The following ZNF425 variants were observed in gnomAD, a reference collection of about 807,000 sequenced individuals.
ZNF425 encodes zinc finger protein 425.
A neutral mutation model predicts 17.0 loss-of-function variants in ZNF425; 21 were observed. The observed-to-expected ratio is 1.23, with a 90% CI of 0.88 to 1.78. ZNF425 has a LOEUF of 1.78. Ranked by LOEUF, ZNF425 falls within the 40% of genes most tolerant of loss-of-function variation. The pLI is 0.00. For missense variants in ZNF425, 868 were observed against 967.3 expected (o/e 0.90, Z 1.36); for synonymous variants, 433 against 384.1 (o/e 1.13, Z -1.49).
At chr7:149,111,603 A>C (rs1826178119) in intron 3 of ZNF425, among the ~76,000 whole-genome samples, 1 of 145,602 alleles carries the variant, frequency 6.9e-6, no homozygotes, top group South Asian at 2.1e-4. Flanking sequence ...AAAAAAAAAA[A>C]AAAAAAAAAA....
At chr7:149,122,449 T>C (rs1826374488) in intron 1 of ZNF425, among the ~76,000 whole-genome samples, 1 of 151,962 alleles carries the variant, frequency 6.6e-6, no homozygotes, top group African/African-American at 2.4e-5. Context: ...AGGAGTCCTT[T>C]GTCAGATATG....
At chr7:149,125,738 A>C in intron 1 of ZNF425, 1 of 225,290 alleles carries the variant, frequency 4.4e-6, no homozygotes, top group Non-Finnish European at 8.8e-6. Context: ...GTGGCTATTC[A>C]CAGGCGCGAT....
In ZNF425 at chr7:149,126,226, C is replaced by G. The variant is rs567398290; in HGVS notation, c.-13G>C. 6 of 1,610,640 alleles carry G rather than the reference C, an allele frequency of 3.7e-6. No homozygotes were observed. Among genetic ancestry groups the G allele is most frequent in the East Asian group, 2.2e-5 (1 of 44,732 alleles). On this transcript the variant is annotated 5_prime_UTR_variant, in exon 1 of 4. Transcript: ENST00000378061. ...CCGGCTCGGCCATGGCGGTTCCGCA[C>G]GAACCGGCCCTGCCTGGCACGGCCT...
chr7:149,125,009 A>C (rs1000049038), intron 1 of ZNF425, among the ~76,000 whole-genome samples: 1 of 152,214 alleles, frequency 6.6e-6, no homozygotes, highest in Non-Finnish European at 1.5e-5. Context: ...CAATGTACAA[A>C]GAAGAGCTAC....
chr7:149,123,828 G>A (rs1826401830), intron 1 of ZNF425, among the ~76,000 whole-genome samples: 1 of 147,226 alleles, frequency 6.8e-6, no homozygotes, highest in African/African-American at 2.5e-5. Context: ...CACTGCGCCC[G>A]GACTTGCTTT....
At chr7:149,106,775 A>G (rs2129517819) in intron 3 of ZNF425, among the ~76,000 whole-genome samples, 1 of 152,298 alleles carries the variant, frequency 6.6e-6, no homozygotes, top group East Asian at 1.9e-4. Context: ...TACTCTGATC[A>G]TCTGACTATA....
Position 149,104,127 on chromosome 7 carries a change from A to C in ZNF425, c.1744T>G (p.Phe582Val), listed in dbSNP as rs746536042. The change falls in exon 4 of 4, where the codon TTC becomes GTC. Residue 582 changes from phenylalanine to valine, a missense_variant. By Grantham distance (50) the Phe-to-Val change is conservative (BLOSUM62 -1). Coordinates refer to ENST00000378061, the MANE Select transcript of ZNF425 (RefSeq NM_001001661.3). The surrounding 1 kb of genome is among the most constrained non-coding windows in gnomAD (Gnocchi z 4.3). ...GTCTTGTCACACTCACCGCACGCGA[A>C]GGGCTTCTCGTCCCTGTGCATCCGC... ...HQRMHRDEKPFACGECDKTYT... is the reference protein window; with the variant it reads ...HQRMHRDEKPVACGECDKTYT... The C allele has an allele frequency of 1.2e-5, 20 of 1,612,982 alleles. No individual in the cohort carries two copies. The highest frequency in any genetic ancestry group is 1.5e-5 in the Non-Finnish European group (18 of 1,179,972).
chr7:149,123,714 T>C (rs1029883650), intron 1 of ZNF425, among the ~76,000 whole-genome samples: 1 of 151,294 alleles, frequency 6.6e-6, no homozygotes, highest in African/African-American at 2.4e-5. Flanking sequence ...CTATTTTTAG[T>C]AGAGACCGGG....
At chr7:149,111,825 G>A (rs1046834853) in intron 3 of ZNF425, among the ~76,000 whole-genome samples, 3 of 151,270 alleles carry the variant, frequency 2.0e-5, no homozygotes, top group African/African-American at 7.3e-5. Context: ...GATTGTGGGT[G>A]CCTGCCACCA....
At chr7:149,116,847 C>T (rs922807232) in intron 2 of ZNF425, among the ~76,000 whole-genome samples, 2 of 152,110 alleles carry the variant, frequency 1.3e-5, no homozygotes, top group African/African-American at 4.8e-5. Flanking sequence ...TGTCTTCCCC[C>T]TAATTTCACA....
At chr7:149,112,892 T>C (rs2129518126) in intron 2 of ZNF425, among the ~76,000 whole-genome samples, 1 of 151,514 alleles carries the variant, frequency 6.6e-6, no homozygotes, top group South Asian at 2.1e-4. Flanking sequence ...CTCAAACTGC[T>C]GGGCATAAGC....
At chr7:149,113,672 C>T (rs552159239) in intron 2 of ZNF425, among the ~76,000 whole-genome samples, 2 of 151,756 alleles carry the variant, frequency 1.3e-5, no homozygotes, top group Admixed American at 1.3e-4. Flanking sequence ...CTGCCTCAGC[C>T]TCCCGAGTAG....
chr7:149,104,166 T>A lies in ZNF425; in HGVS notation c.1705A>T (p.Met569Leu). The A allele has an allele frequency of 6.2e-7, 1 of 1,610,668 alleles. No homozygotes were observed. Among genetic ancestry groups the A allele is most frequent in the Middle Eastern group, 1.7e-4 (1 of 6,038 alleles). The change falls in exon 4 of 4, where the codon ATG (methionine) becomes TTG (leucine). Residue 569 changes from methionine to leucine, a missense_variant. Met to Leu is a conservative substitution (Grantham distance 15). Around this residue, in one of 5 missense-constraint regions of ZNF425, gnomAD observed 437 missense variants for 444.2 expected, o/e 0.98. Coordinates refer to ENST00000378061, the MANE Select transcript of ZNF425 (RefSeq NM_001001661.3). The surrounding 1 kb of genome is among the most constrained non-coding windows in gnomAD (Gnocchi z 4.3). ...CTGTGCATCCGCTGGTGGAACTTCATGGAGGCCTTCCAGGAGAAGCTCTTG... is the reference window on the plus strand; with the variant it reads ...CTGTGCATCCGCTGGTGGAACTTCAAGGAGGCCTTCCAGGAGAAGCTCTTG... ...CDKSFSWKAS[M>L]KFHQRMHRDE... is the part of the protein sequence containing the mutation.
rs869026303 is a variant in ZNF425, at chr7:149,117,642, C to CTTTTTTTTTTTTT, written c.145+567_145+579dup. Among the ~76,000 whole-genome samples the CTTTTTTTTTTTTT allele has an allele frequency of 7.3e-5, 4 of 54,984 alleles. 1 individual carries two copies. Among genetic ancestry groups the CTTTTTTTTTTTTT allele is most frequent in the African/African-American group, 7.6e-5 (1 of 13,118 alleles). The allele number at this position is 54,984 out of a possible 152,430, so 36.1% of individuals were successfully genotyped here. ...GGGGCAATTAGATTACTTAGTAATT[C>CTTTTTTTTTTTTT]TTTTTTTTTTTTTTTTTTTTTTTTT... On this transcript the variant is annotated intron_variant, in intron 2 of 3. Transcript: ENST00000378061.
At position 149,104,191 on chromosome 7, in the gene ZNF425, G is replaced by C. The variant is rs759849583; in HGVS notation, c.1680C>G (p.Asp560Glu). Residue 560 changes from aspartate to glutamate, a missense_variant, in exon 4 of 4, where the codon GAC (aspartate) becomes GAG (glutamate). Asp to Glu is a conservative substitution (Grantham distance 45). Around this residue, in one of 5 missense-constraint regions of ZNF425, gnomAD observed 437 missense variants for 444.2 expected, o/e 0.98. Transcript: ENST00000378061. The surrounding 1 kb of genome is among the most constrained non-coding windows in gnomAD (Gnocchi z 4.3). ...TGGAGGCCTTCCAGGAGAAGCTCTT[G>C]TCGCACTCGGGACACTGGAAGGGCT... ...GEEPFQCPEC[D>E]KSFSWKASMK... The C allele has an allele frequency of 4.3e-6, 7 of 1,613,108 alleles. No homozygotes were observed. Among genetic ancestry groups the C allele is most frequent in the East Asian group, 4.5e-5 (2 of 44,846 alleles).
Position 149,104,553 on chromosome 7 carries a change from G to A in ZNF425, c.1318C>T (p.Arg440Trp). Residue 440 changes from arginine to tryptophan, a missense_variant, in exon 4 of 4, where the codon CGG (arginine) becomes TGG (tryptophan). By Grantham distance (101) the Arg-to-Trp change is moderately radical. Transcript: ENST00000378061. The surrounding 1 kb of genome is among the most constrained non-coding windows in gnomAD (Gnocchi z 4.3). ...CTGCACTCCGGGCACTGGAAGGGCC[G>A]CTTCCCAATGTGCTGCAGCCCGTGG... ...KAHGLQHIGK[R>W]PFQCPECSRG... The A allele has an allele frequency of 3.1e-6, 5 of 1,612,214 alleles. No individual in the cohort carries two copies. Among genetic ancestry groups the A allele is most frequent in the Admixed American group, 3.3e-5 (2 of 59,706 alleles).
intron 3 of ZNF425, among the ~76,000 whole-genome samples, chr7:149,105,956 C>CCT (rs1303561994): frequency 3.0e-5 from 2 of 66,094 alleles, no homozygotes; most frequent in Admixed American, 2.2e-4. Flanking sequence ...AAATTTTTTT[C>CCT]CTTTTTTTTT....
At chr7:149,119,181 G>A (rs372973992) in intron 1 of ZNF425, among the ~76,000 whole-genome samples, 4 of 149,044 alleles carry the variant, frequency 2.7e-5, no homozygotes, top group African/African-American at 5.0e-5. Flanking sequence ...GCTCAATCTC[G>A]GCTCACTGCA....
chr7:149,119,785 T>C (rs1344604548), intron 1 of ZNF425, among the ~76,000 whole-genome samples: 1 of 152,162 alleles, frequency 6.6e-6, no homozygotes, highest in Non-Finnish European at 1.5e-5. Context: ...TTAAATAATG[T>C]ATTTTAAAAT....
Sources: allele counts gnomAD v4.1 joint callset (sites outside exome capture counted in the v4.1 genomes callset), GRCh38; gene constraint gnomAD v4.1.1; regional missense constraint gnomAD v4.1.1; non-coding constraint Gnocchi (gnomAD v3.1); transcripts MANE v1.5; gene names NCBI Gene and HGNC (gene_info 2026-07-23, HGNC 2026-07-21).